The following COX16 variants were observed in gnomAD, a reference collection of about 807,000 sequenced individuals.
COX16 encodes the protein cytochrome c oxidase assembly protein COX16 homolog, mitochondrial.
In COX16, 12 loss-of-function variants were observed where a neutral mutation model predicts 15.4. The observed-to-expected ratio is 0.78, with a 90% CI of 0.50 to 1.26. COX16 has a LOEUF of 1.26. COX16 is among the 50% of genes most tolerant of loss of function. The pLI is 0.00. For missense variants in COX16, 124 were observed against 127.6 expected (o/e 0.97, Z 0.14); for synonymous variants, 46 against 41.1 (o/e 1.12, Z -0.46).
intron 1 of COX16, 127 bp downstream of exon 1, chr14:70,359,392 T>C (rs895375478): frequency 2.2e-5 from 18 of 813,888 alleles, no homozygotes; most frequent in Non-Finnish European, 2.1e-5. Context: ...TCTCACCCCG[T>C]CGCTAGCTCC....
At chr14:70,327,615 T>C (rs1436290224) in intron 3 of COX16, among the ~76,000 whole-genome samples, 33 of 152,194 alleles carry the variant, frequency 2.2e-4, no homozygotes, top group Non-Finnish European at 4.6e-4. Flanking sequence ...GAATTTAGAT[T>C]ATTTCATAAG....
chr14:70,333,720 C>G (rs567382502), intron 2 of COX16, among the ~76,000 whole-genome samples: 1 of 152,234 alleles, frequency 6.6e-6, no homozygotes, highest in African/African-American at 2.4e-5. Flanking sequence ...ATATAAGTAT[C>G]TGGGAAAAGC....
At chr14:70,357,895 CCCTA>C (rs1445633449) in intron 1 of COX16, among the ~76,000 whole-genome samples, 53 of 152,252 alleles carry the variant, frequency 3.5e-4, no homozygotes, top group African/African-American at 1.3e-3. Context: ...TAGGTATATT[CCCTA>C]CCTGAGAGAA....
At chr14:70,354,841 C>CGTGTGTGTGTGTGTGTGT (rs55646280) in intron 1 of COX16, among the ~76,000 whole-genome samples, 15 of 148,982 alleles carry the variant, frequency 1.0e-4, no homozygotes, top group African/African-American at 3.7e-4. Flanking sequence ...TGTGTGTGTG[C>CGTGTGTGTGTGTGTGTGT]GTGTGTGTGT....
intron 2 of COX16, among the ~76,000 whole-genome samples, chr14:70,335,527 T>G (rs1886422561): frequency 7.0e-6 from 1 of 142,518 alleles, no homozygotes; most frequent in Non-Finnish European, 1.5e-5. Context: ...AAAATAGCAA[T>G]CAATAACAAG....
chr14:70,340,488 T>A (rs1246904000), intron 2 of COX16, among the ~76,000 whole-genome samples: 2 of 152,240 alleles, frequency 1.3e-5, no homozygotes, highest in Non-Finnish European at 2.9e-5. Flanking sequence ...TATTCATATT[T>A]TTGTATTACA....
At chr14:70,337,267 T>G (rs192870330) in intron 2 of COX16, among the ~76,000 whole-genome samples, 1 of 152,128 alleles carries the variant, frequency 6.6e-6, no homozygotes, top group Non-Finnish European at 1.5e-5. Context: ...CCATGGACAT[T>G]ATTTATAAAC....
intron 2 of COX16, among the ~76,000 whole-genome samples, chr14:70,340,984 A>G (rs557479948): frequency 3.9e-5 from 6 of 152,296 alleles, no homozygotes; most frequent in Non-Finnish European, 8.8e-5. Context: ...TTCCAGCCTC[A>G]ATTATAAACT....
chr14:70,326,870 A>G (rs1297097272), intron 3 of COX16, among the ~76,000 whole-genome samples: 1 of 152,186 alleles, frequency 6.6e-6, no homozygotes, highest in African/African-American at 2.4e-5. Flanking sequence ...TACAAAAAAG[A>G]AAAGAGACCA....
At chr14:70,358,927 T>C (rs1201096799) in intron 1 of COX16, among the ~76,000 whole-genome samples, 2 of 152,330 alleles carry the variant, frequency 1.3e-5, no homozygotes, top group Non-Finnish European at 2.9e-5. Context: ...TTAGAAATTA[T>C]AACACAGCAA....
chr14:70,357,792 G>A (rs1887176553), intron 1 of COX16, among the ~76,000 whole-genome samples: 1 of 152,184 alleles, frequency 6.6e-6, no homozygotes, highest in Non-Finnish European at 1.5e-5. Context: ...ATATCTTGCT[G>A]GTGGGAATGT....
At chr14:70,354,829 A>AGTGTGTGTGCGT (rs1555345883) in intron 1 of COX16, among the ~76,000 whole-genome samples, 21 of 85,712 alleles carry the variant, frequency 2.5e-4, no homozygotes, top group African/African-American at 9.2e-4. Flanking sequence ...CTATGCATAG[A>AGTGTGTGTGCGT]GTGTGTGTGT....
intron 1 of COX16, among the ~76,000 whole-genome samples, chr14:70,353,132 G>A (rs1164272175): frequency 1.3e-5 from 2 of 151,500 alleles, no homozygotes; most frequent in East Asian, 2.0e-4. Flanking sequence ...GTGGTGGCAC[G>A]CACCTGTAGT....
At chr14:70,354,036 G>A (rs1029317735) in intron 1 of COX16, among the ~76,000 whole-genome samples, 1 of 151,974 alleles carries the variant, frequency 6.6e-6, no homozygotes, top group Non-Finnish European at 1.5e-5. Context: ...TTCTGGGTGG[G>A]TATGGTAGCT....
rs571883633 is a variant in COX16 at position 70,335,349 on chromosome 14, A to T, written c.142-6113T>A. On this transcript the variant is annotated intron_variant, in intron 2 of 3. Transcript: ENST00000389912. ...TTAAACTCTACCCTAGACCAAATGGACCTAAGACAAATTTACAGAATGTGT... is the reference window on the plus strand; with the variant it reads ...TTAAACTCTACCCTAGACCAAATGGTCCTAAGACAAATTTACAGAATGTGT... Among the ~76,000 whole-genome samples, 9 of 152,320 alleles carry T rather than the reference A, an allele frequency of 5.9e-5. No individual in the cohort carries two copies. In the South Asian group the frequency reaches 1.9e-3, roughly 32 times the overall value.
intron 1 of COX16, among the ~76,000 whole-genome samples, chr14:70,352,645 C>CTTTTTTTTT (rs576495712): frequency 2.0e-4 from 17 of 84,490 alleles, no homozygotes; most frequent in East Asian, 6.0e-4. Flanking sequence ...CTTTTTTTTT[C>CTTTTTTTTT]TTTTTTTTTT....
intron 2 of COX16, among the ~76,000 whole-genome samples, chr14:70,334,940 T>C (rs1269054245): frequency 6.6e-6 from 1 of 152,128 alleles, no homozygotes; most frequent in Non-Finnish European, 1.5e-5. Flanking sequence ...CACCCAAGTA[T>C]ATGCTGCCTA....
intron 1 of COX16, among the ~76,000 whole-genome samples, chr14:70,357,216 T>TG (rs1265944897): frequency 6.9e-6 from 1 of 145,252 alleles, no homozygotes; most frequent in Non-Finnish European, 1.5e-5. Context: ...TTTAACATTA[T>TG]GACTGTCTGA....
chr14:70,336,719 G>A (rs919225617), intron 2 of COX16, among the ~76,000 whole-genome samples: 1 of 152,124 alleles, frequency 6.6e-6, no homozygotes, highest in Non-Finnish European at 1.5e-5. Context: ...AATTTTTAGT[G>A]CTAATTTTGA....
Sources: allele counts gnomAD v4.1 joint callset (sites outside exome capture counted in the v4.1 genomes callset), GRCh38; gene constraint gnomAD v4.1.1; transcripts MANE v1.5; gene names NCBI Gene and HGNC (gene_info 2026-07-23, HGNC 2026-07-21).